HDAC4: variants seen among roughly 807,000 people sequenced by gnomAD.
HDAC4 encodes the protein histone deacetylase A.
In HDAC4, 16 loss-of-function variants were observed where a neutral mutation model predicts 135.1. The ratio of observed to expected loss-of-function variants is 0.12; its 90% CI spans 0.08 to 0.18. The LOEUF is 0.18. HDAC4 is among the 10% of genes least tolerant of loss of function. The pLI is 1.00. For synonymous variants in HDAC4, 685 were observed against 653.4 expected (o/e 1.05, Z -0.74); for missense variants, 1,143 against 1,511.8 (o/e 0.76, Z 4.05).
In HDAC4 at chr2:239,307,863, C is replaced by T. The variant is rs2052679653; in HGVS notation, c.22+44815G>A. On this transcript the variant is annotated intron_variant, in intron 2 of 26. Coordinates refer to ENST00000543185, the MANE Select transcript of HDAC4 (RefSeq NM_001378414.1). The surrounding 1 kb of genome is among the most constrained non-coding windows in gnomAD (Gnocchi z 4.8). ...CTGTGGATTTGGGGACTGTCACACA[C>T]GTCTCCACGCACCCCGAGCCACATC... Among the ~76,000 whole-genome samples, 2 of 152,194 alleles carry T rather than the reference C, an allele frequency of 1.3e-5. No homozygotes were observed. Among genetic ancestry groups the T allele is most frequent in the South Asian group, 4.1e-4 (2 of 4,828 alleles).
intron 25 of HDAC4, among the ~76,000 whole-genome samples, chr2:239,054,003 G>A (rs929904284): frequency 3.9e-5 from 6 of 151,914 alleles, no homozygotes; most frequent in African/African-American, 1.2e-4. Context: ...TGGGGCTGAG[G>A]GGTCTTCTGC....
intron 2 of HDAC4, among the ~76,000 whole-genome samples, chr2:239,319,865 G>C (rs1347333062): frequency 6.6e-6 from 1 of 152,126 alleles, no homozygotes; most frequent in Non-Finnish European, 1.5e-5. Context: ...AAATCATATT[G>C]TTTAGGAACA....
chr2:239,176,657 C>A (rs2043797034), intron 4 of HDAC4, 94 bp from the exon 5 acceptor site: 1 of 1,170,592 alleles, frequency 8.5e-7, no homozygotes, highest in Non-Finnish European at 1.2e-6. Flanking sequence ...CCAGGCCCTA[C>A]ACGTCTGCCC....
intron 2 of HDAC4, among the ~76,000 whole-genome samples, chr2:239,346,018 A>G (rs1024989945): frequency 1.4e-5 from 2 of 145,280 alleles, no homozygotes; most frequent in Non-Finnish European, 3.0e-5. Flanking sequence ...TCTCACACAC[A>G]CATCCTAACA....
intron 2 of HDAC4, among the ~76,000 whole-genome samples, chr2:239,328,666 C>G (rs1288707388): frequency 1.3e-5 from 2 of 152,238 alleles, no homozygotes; most frequent in South Asian, 2.1e-4. Flanking sequence ...GCATCCTCCC[C>G]CAGCGAGCAC....
Position 239,095,032 on chromosome 2 carries a change from C to T in HDAC4, c.2258G>A (p.Arg753Gln), listed in dbSNP as rs772636390. 61 of 1,613,744 alleles carry T rather than the reference C, an allele frequency of 3.8e-5. No individual in the cohort carries two copies. Among genetic ancestry groups the T allele is most frequent in the Admixed American group, 8.3e-5 (5 of 60,008 alleles). ...LLGSLASVFV[R>Q]LPCGGVGVDS... Reference sequence around the variant, plus strand: ...TACCCCAACACCACCGCAAGGGAGCCGGACGAACACGGAGGCGAGCGAGCC... The same window carrying T: ...TACCCCAACACCACCGCAAGGGAGCTGGACGAACACGGAGGCGAGCGAGCC... The change falls in exon 17 of 27, where the codon CGG (arginine) becomes CAG (glutamine). Residue 753 changes from arginine to glutamine, a missense_variant. By Grantham distance (43) the Arg-to-Gln change is conservative. This residue lies in a region of HDAC4 where 49 missense variants were observed against 55.6 expected (regional missense o/e 0.88). Transcript: ENST00000543185.
intron 14 of HDAC4, among the ~76,000 whole-genome samples, chr2:239,110,272 T>G (rs918910557): frequency 6.6e-6 from 1 of 152,226 alleles, no homozygotes; most frequent in South Asian, 2.1e-4. Flanking sequence ...ACAATGAACA[T>G]GTACTGTTTT....
chr2:239,393,310 A>G lies in HDAC4; in HGVS notation c.-220+7668T>C, dbSNP rs544297398. The stretch of plus-strand genomic sequence containing the variant: ...CCACAAAGTTAGAACAAGAGAGATC[A>G]GGTCCATCACCCAGCTGGAGCCAGG... On this transcript the variant is annotated intron_variant, in intron 1 of 26. Coordinates refer to ENST00000543185, the MANE Select transcript of HDAC4 (RefSeq NM_001378414.1). 3.3e-5 allele frequency among the ~76,000 whole-genome samples: 5 copies of G among 152,360 alleles called. No individual in the cohort carries two copies. The South Asian group carries it at 1.0e-3, about 32-fold the overall frequency.
At chr2:239,260,384 C>A (rs569716384) in intron 2 of HDAC4, among the ~76,000 whole-genome samples, 1 of 152,192 alleles carries the variant, frequency 6.6e-6, no homozygotes, top group Admixed American at 6.5e-5. Context: ...GGAAGGACAA[C>A]GCTTGGATCT....
chr2:239,301,300 T>C (rs948843396), intron 2 of HDAC4, among the ~76,000 whole-genome samples: 38 of 152,138 alleles, frequency 2.5e-4, no homozygotes, highest in Admixed American at 1.6e-3. Flanking sequence ...GCGTGGGAAC[T>C]GACCCTGCCG....
At chr2:239,083,357 T>C (rs930564458) in intron 20 of HDAC4, among the ~76,000 whole-genome samples, 13 of 152,158 alleles carry the variant, frequency 8.5e-5, no homozygotes, top group Non-Finnish European at 1.5e-4. Context: ...GGTCCTTGGG[T>C]GTGGGGGACC....
At chr2:239,298,680 CCAA>C in intron 2 of HDAC4, 1 of 947,352 alleles carries the variant, frequency 1.1e-6, no homozygotes, top group Non-Finnish European at 1.3e-6. Flanking sequence ...TATCCAGCAC[CCAA>C]CAACGTGGAA....
intron 16 of HDAC4, among the ~76,000 whole-genome samples, chr2:239,098,664 C>T (rs1575018616): frequency 6.6e-6 from 1 of 152,214 alleles, no homozygotes; most frequent in East Asian, 1.9e-4. Flanking sequence ...TATGAAGGCC[C>T]TTGCACACGG....
chr2:239,279,188 G>A (rs752760260), intron 2 of HDAC4, among the ~76,000 whole-genome samples: 4 of 152,186 alleles, frequency 2.6e-5, no homozygotes, highest in Non-Finnish European at 4.4e-5. Flanking sequence ...AAAGCAAAGT[G>A]CCTGATTTGC....
intron 24 of HDAC4, among the ~76,000 whole-genome samples, chr2:239,065,943 C>G (rs1164337740): frequency 6.6e-6 from 1 of 152,200 alleles, no homozygotes; most frequent in African/African-American, 2.4e-5. Context: ...GTGGGAAACT[C>G]AGAATGAAAG....
chr2:239,273,446 G>C (rs2050163556), intron 2 of HDAC4, among the ~76,000 whole-genome samples: 1 of 152,212 alleles, frequency 6.6e-6, no homozygotes, highest in African/African-American at 2.4e-5. Context: ...TCCTGTGTGA[G>C]CCGAAGAGCT....
intron 2 of HDAC4, among the ~76,000 whole-genome samples, chr2:239,281,231 T>A (rs1176637701): frequency 7.5e-6 from 1 of 133,572 alleles, no homozygotes. Context: ...ACACACAATG[T>A]ACACACCACT....
chr2:239,228,962 T>G (rs1027207435), intron 3 of HDAC4, among the ~76,000 whole-genome samples: 1 of 152,060 alleles, frequency 6.6e-6, no homozygotes, highest in Admixed American at 6.5e-5. Flanking sequence ...GCCAATGTGG[T>G]GAAACCTCGT....
intron 19 of HDAC4, among the ~76,000 whole-genome samples, chr2:239,085,429 AC>A (rs933731960): frequency 3.3e-5 from 5 of 152,168 alleles, no homozygotes; most frequent in African/African-American, 1.2e-4. Context: ...GGGGAAGCCC[AC>A]ACGCCCCAGG....
Sources: allele counts gnomAD v4.1 joint callset (sites outside exome capture counted in the v4.1 genomes callset), GRCh38; gene constraint gnomAD v4.1.1; regional missense constraint gnomAD v4.1.1; non-coding constraint Gnocchi (gnomAD v3.1); transcripts MANE v1.5; gene names NCBI Gene and HGNC (gene_info 2026-07-23, HGNC 2026-07-21).